Variants in ANXA8 observed in about 807,000 individuals in gnomAD.
The protein encoded by ANXA8 is annexin A8, also known as VAC-beta.
Under a neutral mutation model 26.8 loss-of-function variants are expected in ANXA8, and 9 were observed. That is an observed-to-expected ratio of 0.34 (90% CI 0.20 to 0.59). The LOEUF is 0.59. Among genes scored for constraint, ANXA8 ranks in the 20% least tolerant of loss-of-function variants. The pLI is 0.84. For synonymous variants in ANXA8, 39 were observed against 94.8 expected, an observed-to-expected ratio of 0.41 and a Z score of 3.42; for missense variants, 83 against 238.5, an observed-to-expected ratio of 0.35 and a Z score of 4.29.
At chr10:47,496,489 AAT>A in the ANXA8 span, among the ~76,000 whole-genome samples, 8 of 151,056 alleles carry the variant, frequency 5.3e-5, no homozygotes, top group Non-Finnish European at 1.0e-4. Context: ...ACATTTAACT[AAT>A]GTTTAAATAT....
the ANXA8 span, among the ~76,000 whole-genome samples, chr10:47,651,555 A>G: frequency 6.6e-6 from 1 of 150,520 alleles, no homozygotes; most frequent in Non-Finnish European, 1.5e-5. Context: ...TAATTGTAAA[A>G]GAGTGGGAAC....
the ANXA8 span, among the ~76,000 whole-genome samples, chr10:47,677,370 C>A: frequency 6.6e-6 from 1 of 152,090 alleles, no homozygotes; most frequent in Non-Finnish European, 1.5e-5. Flanking sequence ...CTACGAGAAT[C>A]ATTCTCCTAC....
the ANXA8 span, among the ~76,000 whole-genome samples, chr10:47,663,344 A>G: frequency 1.4e-5 from 2 of 146,212 alleles, no homozygotes; most frequent in East Asian, 3.9e-4. Flanking sequence ...ATATTTATAC[A>G]CCCTTTGTAA....
chr10:47,989,213 A>T, the ANXA8 span, among the ~76,000 whole-genome samples: 1 of 137,566 alleles, frequency 7.3e-6, no homozygotes, highest in Admixed American at 7.2e-5. Flanking sequence ...TTCCCAGGCA[A>T]TGAGTGTTCC....
chr10:47,686,374 A>T, the ANXA8 span, among the ~76,000 whole-genome samples: 1 of 151,584 alleles, frequency 6.6e-6, no homozygotes, highest in African/African-American at 2.4e-5. Flanking sequence ...GCGTGCCACC[A>T]TACCTGGCTA....
At chr10:47,681,611 A>G in the ANXA8 span, among the ~76,000 whole-genome samples, 2 of 113,660 alleles carry the variant, frequency 1.8e-5, no homozygotes, top group African/African-American at 6.8e-5. Context: ...GGCTTACTGT[A>G]GCCTTGATCT....
chr10:47,497,319 C>CAAA, the ANXA8 span, among the ~76,000 whole-genome samples: 16 of 94,260 alleles, frequency 1.7e-4, no homozygotes, highest in African/African-American at 6.0e-4. Flanking sequence ...AAGTCCATCA[C>CAAA]AAAAAAAAAA....
the ANXA8 span, among the ~76,000 whole-genome samples, chr10:47,962,680 C>T: frequency 6.6e-6 from 1 of 151,748 alleles, no homozygotes; most frequent in African/African-American, 2.4e-5. Flanking sequence ...ACACACAGTC[C>T]TGTGCATGCA....
At chr10:47,980,311 A>G in the ANXA8 span, among the ~76,000 whole-genome samples, 1 of 151,706 alleles carries the variant, frequency 6.6e-6, no homozygotes, top group Non-Finnish European at 1.5e-5. Context: ...GTAAATGCCT[A>G]TATTAAAAAG....
At chr10:47,973,129 C>A in the ANXA8 span, 13 of 148,250 alleles carry the variant, frequency 8.8e-5, no homozygotes, top group Non-Finnish European at 1.7e-4. Context: ...CACACACCTG[C>A]CTTCTCAAAC....
chr10:47,769,201 G>A, the ANXA8 span, among the ~76,000 whole-genome samples: 2 of 147,374 alleles, frequency 1.4e-5, no homozygotes, highest in African/African-American at 2.6e-5. Flanking sequence ...GAAGGATCGA[G>A]GGTTCCTTTC....
At chr10:47,506,506 C>G in the ANXA8 span, among the ~76,000 whole-genome samples, 3 of 139,624 alleles carry the variant, frequency 2.1e-5, no homozygotes, top group Non-Finnish European at 3.1e-5. Flanking sequence ...ATTTTTTGTA[C>G]TTTCAGTAGA....
chr10:47,954,638 C>T, the ANXA8 span, among the ~76,000 whole-genome samples: 1 of 151,198 alleles, frequency 6.6e-6, no homozygotes, highest in Non-Finnish European at 1.5e-5. Flanking sequence ...GCATTGCATG[C>T]CTGTATCAAA....
chr10:47,779,080 A>G, the ANXA8 span, among the ~76,000 whole-genome samples: 1 of 150,292 alleles, frequency 6.7e-6, no homozygotes, highest in African/African-American at 2.5e-5. Context: ...AGTTTTTAAC[A>G]AGCAATAGTT....
chr10:47,558,970 A>G, the ANXA8 span, among the ~76,000 whole-genome samples: 11 of 151,648 alleles, frequency 7.3e-5, 2 homozygotes, highest in African/African-American at 2.7e-4. Context: ...ACTTTATTGA[A>G]TAACTTCAAA....
At chr10:47,569,747 CTTTTT>C in the ANXA8 span, 86 of 83,830 alleles carry the variant, frequency 1.0e-3, 1 homozygote, top group Middle Eastern at 3.3e-3. Flanking sequence ...CTAAAAAAAT[CTTTTT>C]TTTTTTTTTT....
At chr10:47,639,560 C>G in the ANXA8 span, among the ~76,000 whole-genome samples, 3 of 150,794 alleles carry the variant, frequency 2.0e-5, no homozygotes, top group Admixed American at 6.6e-5. Context: ...TCGTGATCCG[C>G]CCGCCTCGGC....
the ANXA8 span, among the ~76,000 whole-genome samples, chr10:47,587,460 C>T: frequency 1.4e-5 from 2 of 146,694 alleles, no homozygotes; most frequent in East Asian, 3.9e-4. Flanking sequence ...AGTCACCCTG[C>T]ATTGAGAACT....
the ANXA8 span, among the ~76,000 whole-genome samples, chr10:47,916,679 C>T: frequency 7.3e-6 from 1 of 136,144 alleles, no homozygotes; most frequent in Non-Finnish European, 1.7e-5. Context: ...CTGTTTGCTG[C>T]TTTTACCACC....
Sources: allele counts gnomAD v4.1 joint callset (sites outside exome capture counted in the v4.1 genomes callset), GRCh38; gene constraint gnomAD v4.1.1; transcripts MANE v1.5; gene names NCBI Gene and HGNC (gene_info 2026-07-23, HGNC 2026-07-21).